The following DPYD variants were observed in gnomAD, a reference collection of about 807,000 sequenced individuals.
DPYD encodes the protein dihydropyrimidine dehydrogenase.
In DPYD, 109 loss-of-function variants were observed where a neutral mutation model predicts 116.2. That is an observed-to-expected ratio of 0.94 (90% CI 0.80 to 1.10). The LOEUF (loss-of-function observed/expected upper bound fraction) is 1.10, where lower values mean the gene tolerates loss of function less well. Ranked by LOEUF, DPYD falls within the 50% of genes least tolerant of loss-of-function variation. The pLI, the probability that DPYD is intolerant of heterozygous loss-of-function variation, is 0.00. For synonymous variants in DPYD, 440 were observed against 432.0 expected (o/e 1.02, Z -0.23); for missense variants, 1,302 against 1,254.5 (o/e 1.04, Z -0.57).
At chr1:97,705,043 C>G (rs537219439) in intron 5 of DPYD, among the ~76,000 whole-genome samples, 6 of 152,100 alleles carry the variant, frequency 3.9e-5, no homozygotes, top group Non-Finnish European at 7.4e-5. Context: ...GTACAATTAT[C>G]AGATCCATTT....
At chr1:97,737,739 G>A (rs190195602) in intron 4 of DPYD, among the ~76,000 whole-genome samples, 308 of 151,770 alleles carry the variant, frequency 2.0e-3, no homozygotes, top group African/African-American at 7.1e-3. Context: ...TACAATATAT[G>A]TACAATATAT....
chr1:97,402,623 T>A (rs907677356), intron 14 of DPYD, among the ~76,000 whole-genome samples: 1 of 152,074 alleles, frequency 6.6e-6, no homozygotes, highest in Non-Finnish European at 1.5e-5. Flanking sequence ...TTTTGTCTTA[T>A]TAGCTAGAAG....
At chr1:97,391,709 T>C (rs944635001) in intron 14 of DPYD, among the ~76,000 whole-genome samples, 1 of 152,032 alleles carries the variant, frequency 6.6e-6, no homozygotes, top group East Asian at 1.9e-4. Context: ...CCATATCTGA[T>C]TTCAGCCAAT....
chr1:97,546,136 A>C, intron 12 of DPYD: 1 of 1,412,108 alleles, frequency 7.1e-7, no homozygotes, highest in South Asian at 1.2e-5. Flanking sequence ...TTTGAAAAGG[A>C]GCAGTCCTTC....
chr1:97,812,082 T>C (rs1668373907), intron 3 of DPYD, among the ~76,000 whole-genome samples: 1 of 152,196 alleles, frequency 6.6e-6, no homozygotes. Context: ...CCACTGGTTT[T>C]GCTTTAATCT....
chr1:97,309,843 T>G (rs958925556), intron 16 of DPYD, among the ~76,000 whole-genome samples: 6 of 151,832 alleles, frequency 4.0e-5, no homozygotes, highest in African/African-American at 1.4e-4. Flanking sequence ...AATTTTTAAT[T>G]CTAGTAACTA....
chr1:97,677,908 T>C (rs1384135036), intron 8 of DPYD, among the ~76,000 whole-genome samples: 1 of 152,206 alleles, frequency 6.6e-6, no homozygotes, highest in East Asian at 1.9e-4. Flanking sequence ...TTACTCAGTG[T>C]GTGATCACTT....
chr1:97,637,069 G>T (rs1657609847), intron 8 of DPYD, among the ~76,000 whole-genome samples: 1 of 152,114 alleles, frequency 6.6e-6, no homozygotes, highest in Non-Finnish European at 1.5e-5. Flanking sequence ...ACTAAAAGCA[G>T]AAACTTCTGG....
chr1:97,903,901 A>T (rs1673483224), intron 1 of DPYD, among the ~76,000 whole-genome samples: 1 of 152,000 alleles, frequency 6.6e-6, no homozygotes, highest in Non-Finnish European at 1.5e-5. Context: ...TAAGAGAAAC[A>T]GCTAAAGTGT....
At chr1:97,752,342 T>C (rs977982793) in intron 3 of DPYD, among the ~76,000 whole-genome samples, 1 of 151,872 alleles carries the variant, frequency 6.6e-6, no homozygotes, top group Non-Finnish European at 1.5e-5. Flanking sequence ...ATACATTAAA[T>C]TTAAATTCAA....
chr1:97,081,140 G>GT (rs5776343), intron 22 of DPYD, among the ~76,000 whole-genome samples: 143,272 of 150,692 alleles, frequency 0.95, 68,326 homozygotes, highest in East Asian at 1. Flanking sequence ...AAAATTAATA[G>GT]TTTTTTTTTA....
intron 3 of DPYD, among the ~76,000 whole-genome samples, chr1:97,769,612 T>G (rs1666045082): frequency 6.6e-6 from 1 of 152,172 alleles, no homozygotes; most frequent in African/African-American, 2.4e-5. Context: ...TATTTCAAAG[T>G]GAAATGTGAA....
chr1:97,551,802 T>G (rs1012632074), intron 11 of DPYD, among the ~76,000 whole-genome samples: 1 of 152,138 alleles, frequency 6.6e-6, no homozygotes, highest in Non-Finnish European at 1.5e-5. Context: ...CAACTGTGCA[T>G]TGAAAATATT....
chr1:97,364,340 G>T (rs1056791614), intron 16 of DPYD, among the ~76,000 whole-genome samples: 1 of 152,102 alleles, frequency 6.6e-6, no homozygotes, highest in Non-Finnish European at 1.5e-5. Context: ...AATGGAATTT[G>T]CAACCTATCT....
intron 5 of DPYD, among the ~76,000 whole-genome samples, chr1:97,707,395 A>G (rs1342345357): frequency 6.7e-6 from 1 of 149,360 alleles, no homozygotes; most frequent in Non-Finnish European, 1.5e-5. Flanking sequence ...TGCACCCACT[A>G]ACTCGTCATC....
chr1:97,788,581 T>C (rs1329574725), intron 3 of DPYD, among the ~76,000 whole-genome samples: 3 of 152,198 alleles, frequency 2.0e-5, no homozygotes, highest in African/African-American at 4.8e-5. Flanking sequence ...TTATAAGTTG[T>C]TATTGCATTA....
At chr1:97,698,197 T>C (rs1440774361) in intron 6 of DPYD, among the ~76,000 whole-genome samples, 1 of 151,840 alleles carries the variant, frequency 6.6e-6, no homozygotes, top group Non-Finnish European at 1.5e-5. Flanking sequence ...TCAGGTTATT[T>C]ATGTTTCATG....
intron 20 of DPYD, among the ~76,000 whole-genome samples, chr1:97,106,552 T>C (rs1345454486): frequency 6.6e-6 from 1 of 152,172 alleles, no homozygotes; most frequent in Non-Finnish European, 1.5e-5. Context: ...ATCAGAGCTC[T>C]AGGTTCTTGG....
intron 10 of DPYD, among the ~76,000 whole-genome samples, chr1:97,582,735 T>C (rs1358125030): frequency 6.6e-6 from 1 of 152,196 alleles, no homozygotes; most frequent in African/African-American, 2.4e-5. Context: ...CATTTTAAGT[T>C]TTTTAAAGTT....
Sources: gnomAD v4.1 joint callset for allele counts (sites outside exome capture counted in the v4.1 genomes callset) on GRCh38, gnomAD v4.1.1 for gene constraint, MANE v1.5 for transcripts, NCBI Gene and HGNC (gene_info 2026-07-23, HGNC 2026-07-21) for gene names.